The following LHFPL6 variants were observed in gnomAD, a reference collection of about 807,000 sequenced individuals.
The protein encoded by LHFPL6 is LHFPL tetraspan subfamily member 6, also known as LHFPL tetraspan subfamily member 6 protein.
A neutral mutation model predicts 20.6 loss-of-function variants in LHFPL6; 9 were observed. The ratio of observed to expected loss-of-function variants is 0.44; its 90% CI spans 0.26 to 0.76. The LOEUF is 0.76. Among genes scored for constraint, LHFPL6 ranks in the 30% least tolerant of loss-of-function variants. The pLI, the probability that LHFPL6 is intolerant of heterozygous loss-of-function variation, is 0.20. For missense variants in LHFPL6, 218 were observed against 253.5 expected, an observed-to-expected ratio of 0.86 and a Z score of 0.95; for synonymous variants, 105 against 98.7, an observed-to-expected ratio of 1.06 and a Z score of -0.38.
chr13:39,411,693 G>A (rs1013465165), intron 2 of LHFPL6, among the ~76,000 whole-genome samples: 1 of 152,196 alleles, frequency 6.6e-6, no homozygotes, highest in Non-Finnish European at 1.5e-5. Context: ...ACATATCTGT[G>A]TGGGAATGTT....
chr13:39,437,901 C>CAAAA (rs71077298), intron 2 of LHFPL6, among the ~76,000 whole-genome samples: 3 of 133,488 alleles, frequency 2.2e-5, no homozygotes, highest in Non-Finnish European at 1.6e-5. Context: ...GACTCCGTCT[C>CAAAA]AAAAAAAAAA....
chr13:39,521,912 G>A (rs1870119243), intron 2 of LHFPL6, among the ~76,000 whole-genome samples: 1 of 152,180 alleles, frequency 6.6e-6, no homozygotes, highest in Non-Finnish European at 1.5e-5. Flanking sequence ...TTAGTGACGT[G>A]AAAGTTAATG....
chr13:39,527,698 A>G (rs543731826), intron 2 of LHFPL6, among the ~76,000 whole-genome samples: 10 of 151,874 alleles, frequency 6.6e-5, no homozygotes, highest in South Asian at 2.1e-4. Flanking sequence ...TATACTCATC[A>G]TTTTTTTGTT....
At chr13:39,580,668 C>A (rs924517857) in intron 2 of LHFPL6, among the ~76,000 whole-genome samples, 5 of 152,088 alleles carry the variant, frequency 3.3e-5, no homozygotes, top group African/African-American at 1.2e-4. Context: ...TTGGTAATAG[C>A]GACCATTTAT....
intron 2 of LHFPL6, among the ~76,000 whole-genome samples, chr13:39,595,687 C>T (rs1487525252): frequency 1.6e-5 from 2 of 125,226 alleles, no homozygotes; most frequent in Non-Finnish European, 3.5e-5. Context: ...TTTATATTAT[C>T]AGTGTTCGTG....
chr13:39,513,070 G>T (rs890161249), intron 2 of LHFPL6, among the ~76,000 whole-genome samples: 2 of 152,146 alleles, frequency 1.3e-5, no homozygotes, highest in Non-Finnish European at 2.9e-5. Context: ...CCTGTCCTTT[G>T]GAAGCATCAA....
chr13:39,595,023 C>G (rs1050070686), intron 2 of LHFPL6, among the ~76,000 whole-genome samples: 1 of 151,908 alleles, frequency 6.6e-6, no homozygotes, highest in African/African-American at 2.4e-5. Context: ...TGTTAAATGA[C>G]GAGTTAATGG....
chr13:39,497,181 G>A (rs991147978), intron 2 of LHFPL6, among the ~76,000 whole-genome samples: 2 of 152,132 alleles, frequency 1.3e-5, no homozygotes, highest in Non-Finnish European at 2.9e-5. Flanking sequence ...TCCACAACAG[G>A]CAGACTGAAG....
At chr13:39,413,465 TAG>T (rs1491171099) in intron 2 of LHFPL6, among the ~76,000 whole-genome samples, 37 of 139,814 alleles carry the variant, frequency 2.6e-4, no homozygotes, top group African/African-American at 9.6e-4. Context: ...GAATTGGGGG[TAG>T]GGGGGGTGGG....
chr13:39,405,481 T>C (rs940420597), intron 2 of LHFPL6, among the ~76,000 whole-genome samples: 1 of 152,168 alleles, frequency 6.6e-6, no homozygotes, highest in Non-Finnish European at 1.5e-5. Flanking sequence ...AAGAAACAGA[T>C]TGGTTTATGT....
chr13:39,406,221 C>A lies in LHFPL6; in HGVS notation c.386-27695G>T, dbSNP rs1436904005. On this transcript the variant is annotated intron_variant, in intron 2 of 3. Coordinates refer to ENST00000379589, the MANE Select transcript of LHFPL6 (RefSeq NM_005780.3). ...TTACATTGTTATGTAATACAATACA[C>A]CATTTGAGGAAGAATTGTGTCAGGA... Among the ~76,000 whole-genome samples, 4 of 152,028 alleles carry A rather than the reference C, an allele frequency of 2.6e-5. 1 individual carries two copies. Among genetic ancestry groups the A allele is most frequent in the Admixed American group, 2.6e-4 (4 of 15,260 alleles).
chr13:39,580,375 T>A (rs1872245409), intron 2 of LHFPL6, among the ~76,000 whole-genome samples: 1 of 152,130 alleles, frequency 6.6e-6, no homozygotes, highest in Admixed American at 6.5e-5. Context: ...ATATATCTAG[T>A]AACACAGTAT....
chr13:39,374,142 T>C (rs1870227053), intron 3 of LHFPL6, among the ~76,000 whole-genome samples: 1 of 151,914 alleles, frequency 6.6e-6, no homozygotes, highest in Non-Finnish European at 1.5e-5. Context: ...CCATCAATGG[T>C]GGATTGGATA....
chr13:39,594,964 T>C (rs1872723227), intron 2 of LHFPL6, among the ~76,000 whole-genome samples: 1 of 151,928 alleles, frequency 6.6e-6, no homozygotes, highest in Non-Finnish European at 1.5e-5. Flanking sequence ...CCGGGGCCTA[T>C]TGTGGGGTGG....
intron 2 of LHFPL6, among the ~76,000 whole-genome samples, chr13:39,408,601 T>C (rs553396704): frequency 6.6e-6 from 1 of 152,382 alleles, no homozygotes; most frequent in African/African-American, 2.4e-5. Context: ...TGCTTTCCTA[T>C]ATTTTGTACC....
At chr13:39,562,489 CACATATACATATAT>C (rs1871541284) in intron 2 of LHFPL6, among the ~76,000 whole-genome samples, 1 of 125,442 alleles carries the variant, frequency 8.0e-6, no homozygotes, top group African/African-American at 2.7e-5. Flanking sequence ...TACATATATA[CACATATACATATAT>C]ACATATATAC....
intron 2 of LHFPL6, among the ~76,000 whole-genome samples, chr13:39,508,677 T>C (rs1869578857): frequency 6.6e-6 from 1 of 152,254 alleles, no homozygotes; most frequent in African/African-American, 2.4e-5. Context: ...TCCTTTTCAC[T>C]GGTAAATAAT....
intron 2 of LHFPL6, among the ~76,000 whole-genome samples, chr13:39,593,044 C>A (rs1175875598): frequency 1.3e-5 from 2 of 152,136 alleles, no homozygotes; most frequent in South Asian, 2.1e-4. Context: ...TGGAAGCATT[C>A]CCTTTGAAAA....
chr13:39,396,438 A>G (rs567734578), intron 2 of LHFPL6, among the ~76,000 whole-genome samples: 5 of 152,306 alleles, frequency 3.3e-5, no homozygotes, highest in Non-Finnish European at 7.4e-5. Flanking sequence ...AGATGTAATT[A>G]GGTAAGATGA....
Sources: allele counts gnomAD v4.1 joint callset (sites outside exome capture counted in the v4.1 genomes callset), GRCh38; gene constraint gnomAD v4.1.1; transcripts MANE v1.5; gene names NCBI Gene and HGNC (gene_info 2026-07-23, HGNC 2026-07-21).